The following NRG3 variants were observed in gnomAD, a reference collection of about 807,000 sequenced individuals.
NRG3 encodes the protein neuregulin 3, also known as pro-neuregulin-3, membrane-bound isoform.
Under a neutral mutation model 66.9 loss-of-function variants are expected in NRG3, and 31 were observed. That is an observed-to-expected ratio of 0.46 (90% confidence interval 0.35 to 0.63). The LOEUF is 0.63. NRG3 is among the 20% of genes least tolerant of loss of function. The probability of loss-of-function intolerance (pLI) is 0.00; values close to 1 mark genes in which losing one functional copy is unlikely to be tolerated. For synonymous variants in NRG3, 393 were observed against 359.4 expected (o/e 1.09, Z -1.06); for missense variants, 910 against 878.9 (o/e 1.04, Z -0.45).
intron 1 of NRG3, among the ~76,000 whole-genome samples, chr10:82,049,937 T>C (rs1398117318): frequency 6.6e-6 from 1 of 152,014 alleles, no homozygotes; most frequent in Non-Finnish European, 1.5e-5. Context: ...GCCTATAGTG[T>C]TGAATTTGCA....
At chr10:82,665,495 A>G (rs562330472) in intron 2 of NRG3, among the ~76,000 whole-genome samples, 1 of 152,018 alleles carries the variant, frequency 6.6e-6, no homozygotes, top group Non-Finnish European at 1.5e-5. Flanking sequence ...CTAATCATCA[A>G]CTCTGTACTA....
chr10:82,678,372 G>C (rs2053870354), intron 2 of NRG3, among the ~76,000 whole-genome samples: 1 of 152,108 alleles, frequency 6.6e-6, no homozygotes, highest in South Asian at 2.1e-4. Context: ...TTGTTCTCTG[G>C]CCGGCAGGGG....
rs142419746 is a variant in NRG3, at chr10:81,991,931, G to C, written c.823+115768G>C. Among the ~76,000 whole-genome samples the C allele has an allele frequency of 4.4e-3, 665 of 152,090 alleles. 1 individual carries two copies. Among genetic ancestry groups the C allele is most frequent in the Middle Eastern group, 0.01 (3 of 292 alleles). On this transcript the variant is annotated intron_variant, in intron 1 of 8. Transcript: ENST00000372141. The stretch of plus-strand genomic sequence containing the variant: ...AAACAAATATTATATCATAGTTTCT[G>C]AGCATTAGTCACAGAAAAACTCCTG...
chr10:81,963,385 G>A (rs2059604839), intron 1 of NRG3, among the ~76,000 whole-genome samples: 1 of 149,622 alleles, frequency 6.7e-6, no homozygotes, highest in Non-Finnish European at 1.5e-5. Context: ...CGCCCGCCTC[G>A]GCCTCCCAAA....
At chr10:82,441,658 G>T (rs946487375) in intron 2 of NRG3, among the ~76,000 whole-genome samples, 27 of 152,144 alleles carry the variant, frequency 1.8e-4, no homozygotes, top group Admixed American at 1.8e-3. Context: ...AAATCTTTAA[G>T]AAGAGGGACA....
chr10:82,040,111 AT>A (rs1170279734), intron 1 of NRG3, among the ~76,000 whole-genome samples: 3 of 152,098 alleles, frequency 2.0e-5, no homozygotes, highest in Admixed American at 6.6e-5. Flanking sequence ...AGTTGATAAA[AT>A]TTTAGGTGAA....
intron 1 of NRG3, among the ~76,000 whole-genome samples, chr10:81,909,290 C>T (rs1461204421): frequency 6.6e-6 from 1 of 152,168 alleles, no homozygotes; most frequent in Admixed American, 6.5e-5. Context: ...CTACTCCAGT[C>T]TGACCTTATT....
chr10:82,184,299 A>G (rs1201125181), intron 1 of NRG3, among the ~76,000 whole-genome samples: 1 of 152,194 alleles, frequency 6.6e-6, no homozygotes, highest in African/African-American at 2.4e-5. Flanking sequence ...AATGGACTCA[A>G]GAAAATAACG....
intron 2 of NRG3, among the ~76,000 whole-genome samples, chr10:82,539,468 A>G (rs1223133843): frequency 6.6e-6 from 1 of 152,286 alleles, no homozygotes; most frequent in Middle Eastern, 3.4e-3. Context: ...ATCTTTCTCT[A>G]TGTCTACTGT....
At chr10:82,097,407 CAT>C (rs34621417) in intron 1 of NRG3, among the ~76,000 whole-genome samples, 17 of 139,394 alleles carry the variant, frequency 1.2e-4, no homozygotes, top group African/African-American at 2.4e-4. Flanking sequence ...CTCCCAGATA[CAT>C]ATATATATAT....
chr10:82,358,899 C>T (rs1423482988), intron 2 of NRG3, 31 bp downstream of exon 2: 1 of 1,613,586 alleles, frequency 6.2e-7, no homozygotes, highest in Non-Finnish European at 8.5e-7. Context: ...ATGGAAAGGG[C>T]AGGCCCGTTG....
intron 3 of NRG3, among the ~76,000 whole-genome samples, chr10:82,810,046 A>AT (rs2061429659): frequency 6.6e-6 from 1 of 151,696 alleles, no homozygotes; most frequent in Non-Finnish European, 1.5e-5. Flanking sequence ...TAGGATAGGT[A>AT]TTTTTTACAT....
intron 1 of NRG3, among the ~76,000 whole-genome samples, chr10:82,196,683 A>G (rs1305434238): frequency 3.9e-5 from 6 of 152,320 alleles, no homozygotes; most frequent in Admixed American, 3.9e-4. Flanking sequence ...GGTCAATAAA[A>G]CAATATCCAC....
At chr10:82,001,843 G>C (rs561706219) in intron 1 of NRG3, among the ~76,000 whole-genome samples, 4 of 152,158 alleles carry the variant, frequency 2.6e-5, no homozygotes, top group Non-Finnish European at 5.9e-5. Context: ...GCATGTAAAT[G>C]CTCTCAGGGT....
rs552093870 is a variant in NRG3 at position 82,322,537 on chromosome 10, CT to C, written c.824-36191del. On this transcript the variant is annotated intron_variant, in intron 1 of 8. Transcript: ENST00000372141. ...TTAAAAGGATTATGTTCCATATTAG[CT>C]TTTTTTTTTTAAAATTTTGCTTTGC... Among the ~76,000 whole-genome samples the C allele has an allele frequency of 6.6e-3, 973 of 146,868 alleles. 10 individuals are homozygous for C. The highest frequency in any genetic ancestry group is 0.018 in the African/African-American group (723 of 40,250).
At chr10:82,687,926 C>A (rs1474018914) in intron 2 of NRG3, among the ~76,000 whole-genome samples, 3 of 152,152 alleles carry the variant, frequency 2.0e-5, no homozygotes, top group African/African-American at 7.2e-5. Context: ...CCATTCTAGA[C>A]ATTGCAGGTC....
chr10:82,254,264 CATCTT>C (rs1314516371), intron 1 of NRG3, among the ~76,000 whole-genome samples: 4 of 152,144 alleles, frequency 2.6e-5, no homozygotes, highest in African/African-American at 9.7e-5. Flanking sequence ...ACTTGAGAAA[CATCTT>C]ATAAACATTT....
intron 2 of NRG3, among the ~76,000 whole-genome samples, chr10:82,684,300 A>G (rs1041587714): frequency 6.6e-6 from 1 of 152,196 alleles, no homozygotes; most frequent in Non-Finnish European, 1.5e-5. Context: ...CATTTCTTTC[A>G]AAAGTGATGG....
At chr10:82,109,152 G>A (rs1405466659) in intron 1 of NRG3, among the ~76,000 whole-genome samples, 2 of 152,078 alleles carry the variant, frequency 1.3e-5, no homozygotes, top group Admixed American at 6.6e-5. Flanking sequence ...ATTATGATGT[G>A]GTCAACTTAT....
Sources: allele counts gnomAD v4.1 joint callset (sites outside exome capture counted in the v4.1 genomes callset), GRCh38; gene constraint gnomAD v4.1.1; transcripts MANE v1.5; gene names NCBI Gene and HGNC (gene_info 2026-07-23, HGNC 2026-07-21).